UBR4: variants seen among roughly 807,000 people sequenced by gnomAD.
UBR4 encodes E3 ubiquitin-protein ligase UBR4.
A neutral mutation model predicts 575.6 loss-of-function variants in UBR4; 124 were observed. The observed-to-expected ratio is 0.22, with a 90% confidence interval of 0.19 to 0.25. UBR4 has a LOEUF of 0.25. UBR4 is among the 10% of genes least tolerant of loss of function. The pLI is 1.00. For missense variants in UBR4, 4,818 were observed against 6,478.8 expected, an observed-to-expected ratio of 0.74 and a Z score of 8.80; for synonymous variants, 2,455 against 2,473.7, an observed-to-expected ratio of 0.99 and a Z score of 0.22.
intron 1 of UBR4, among the ~76,000 whole-genome samples, chr1:19,205,044 A>G (rs2092938648): frequency 6.6e-6 from 1 of 152,216 alleles, no homozygotes; most frequent in Non-Finnish European, 1.5e-5. Context: ...TAGAGGTGAA[A>G]GTACATCTTT....
rs1221872209 is a variant in UBR4 at position 19,173,532 on chromosome 1, G to C, written c.3072C>G (p.Ser1024=). ...PPSKTYINQL[S]MNSPEMSECD... ...ATTCGCTCATCTCAGGTGAGTTCAT[G>C]GATAGCTGGTTAATGTAAGTCTTTG... is the stretch of plus-strand genomic sequence containing the variant. The change falls in exon 23 of 106, where the codon TCC becomes TCG. Residue 1024 remains serine, a synonymous_variant. Transcript: ENST00000375254. 1 of 1,614,112 alleles carries C rather than the reference G, an allele frequency of 6.2e-7. No homozygotes were observed. The highest frequency in any genetic ancestry group is 8.5e-7 in the Non-Finnish European group (1 of 1,180,006).
chr1:19,089,367 C>T lies in UBR4; in HGVS notation c.14212-390G>A, dbSNP rs1001284774. On this transcript the variant is annotated intron_variant, in intron 97 of 105. Coordinates refer to ENST00000375254, the MANE Select transcript of UBR4 (RefSeq NM_020765.3). The surrounding 1 kb of genome is among the most constrained non-coding windows in gnomAD (Gnocchi z 4.3). ...TGATGTGTACTGAGTGGTGAACCAG[C>T]AGCCAGAGCAGGCACTGGACGTTCT... is the stretch of plus-strand genomic sequence containing the variant. 2.6e-5 allele frequency among the ~76,000 whole-genome samples: 4 copies of T among 152,200 alleles called. No individual in the cohort carries two copies. Among genetic ancestry groups the T allele is most frequent in the African/African-American group, 9.7e-5 (4 of 41,448 alleles).
Position 19,110,380 on chromosome 1 carries a change from C to T in UBR4, c.11977G>A (p.Ala3993Thr). The T allele has an allele frequency of 6.2e-7, 1 of 1,614,126 alleles. No individual in the cohort carries two copies. Among genetic ancestry groups the T allele is most frequent in the South Asian group, 1.1e-5 (1 of 91,070 alleles). ...DSCWELRLRC[A>T]LSLFLMAVNI... ...TTTCTCTGAAAATCCCCTAACTCAC[C>T]ACAGCGTAACCGGAGCTCCCAGCAG... Residue 3993 changes from alanine to threonine, a missense_variant and splice_region_variant, in exon 80 of 106, where the codon GCT becomes ACT. Ala to Thr is a moderately conservative substitution (Grantham distance 58). Transcript: ENST00000375254. This position sits in a 1 kb window ranked among gnomAD's most constrained non-coding sequence, Gnocchi z 4.5.
At chr1:19,103,465 T>A (rs1013209042) in intron 87 of UBR4, among the ~76,000 whole-genome samples, 1 of 152,054 alleles carries the variant, frequency 6.6e-6, no homozygotes, top group Non-Finnish European at 1.5e-5. Context: ...TCAGTAAGGC[T>A]GAGGCAGGCG....
At chr1:19,199,868 C>T in intron 2 of UBR4, 114 bp from the exon 3 acceptor site, 1 of 1,005,608 alleles carries the variant, frequency 9.9e-7, no homozygotes, top group South Asian at 1.4e-5. Context: ...AACAATTATT[C>T]AGAGCCAAAA....
At chr1:19,140,929 C>G in intron 57 of UBR4, 37 bp from the exon 58 acceptor site, 1 of 1,568,686 alleles carries the variant, frequency 6.4e-7, no homozygotes, top group South Asian at 1.2e-5. Context: ...AACATCCCCT[C>G]CAGGTCCCAT....
rs1291726422 is a variant in UBR4 at position 19,167,112 on chromosome 1, G to A, written c.4019C>T (p.Pro1340Leu). The A allele has an allele frequency of 6.2e-6, 10 of 1,614,086 alleles. No individual in the cohort carries two copies. Among genetic ancestry groups the A allele is most frequent in the African/African-American group, 2.7e-5 (2 of 74,916 alleles). The change falls in exon 29 of 106, where the codon CCT becomes CTT. Residue 1340 changes from proline to leucine, a missense_variant. Transcript: ENST00000375254. ...SSNSLERILGPAESDEFLARV... is the reference protein window; with the variant it reads ...SSNSLERILGLAESDEFLARV... ...AGCCAAGAACTCATCAGACTCAGCA[G>A]GGCCCAAGATGCGTTCCAGGGAGTT...
chr1:19,143,263 A>AAGGAAGGAAGG (rs1557762781), intron 55 of UBR4, among the ~76,000 whole-genome samples: 1 of 34,890 alleles, frequency 2.9e-5, no homozygotes, highest in African/African-American at 1.1e-4. Flanking sequence ...AGGAAGGAAG[A>AAGGAAGGAAGG]AAGAAAGAAA....
intron 25 of UBR4, 55 bp downstream of exon 25, chr1:19,172,809 G>A: frequency 6.6e-7 from 1 of 1,524,306 alleles, no homozygotes; most frequent in South Asian, 1.1e-5. Context: ...GTCAATGCGG[G>A]ATCTGCACGG....
chr1:19,113,544 G>T, intron 77 of UBR4, 155 bp downstream of exon 77: 3 of 1,127,354 alleles, frequency 2.7e-6, no homozygotes, highest in Non-Finnish European at 3.8e-6. Context: ...GGGAGATGCC[G>T]TTTGGTGCAG....
chr1:19,126,792 C>G, intron 63 of UBR4, 137 bp from the exon 64 acceptor site: 1 of 891,072 alleles, frequency 1.1e-6, no homozygotes, highest in Non-Finnish European at 1.7e-6. Context: ...GGCTCTTGCA[C>G]TGAAACTTCC....
chr1:19,210,243 C>G lies in UBR4; in HGVS notation c.6G>C (p.Ala2=). The G allele has an allele frequency of 3.5e-6, 5 of 1,436,316 alleles. No individual in the cohort carries two copies. The highest frequency in any genetic ancestry group is 4.6e-6 in the Non-Finnish European group (5 of 1,098,460). 89.0% of individuals were successfully genotyped at this position (1,436,316 alleles called of 1,614,324 possible). M[A]TSGGEEAAAA... ...CCGCCGCCTCTTCGCCGCCGCTCGT[C>G]GCCATCTTCCGTCGTACTACTGCGG... is the stretch of plus-strand genomic sequence containing the variant. The change falls in exon 1 of 106, where the codon GCG becomes GCC. Residue 2 remains alanine (A), a synonymous_variant. Coordinates refer to ENST00000375254, the MANE Select transcript of UBR4 (RefSeq NM_020765.3).
At position 19,165,307 on chromosome 1, in the gene UBR4, G is replaced by T. The variant is rs1436451177; in HGVS notation, c.4254C>A (p.Asn1418Lys). Residue 1418 changes from asparagine to lysine, a missense_variant, in exon 31 of 106, where the codon AAC (asparagine) becomes AAA (lysine). Transcript: ENST00000375254. Reference sequence around the variant, plus strand: ...CTCGGTTACAGAATTTAGCAGAGAGGTTCTCATTGGCTGTTGCCATCATGA... The same window carrying T: ...CTCGGTTACAGAATTTAGCAGAGAGTTTCTCATTGGCTGTTGCCATCATGA... ...VQIMMATANENLSAKFCNRVL... is the reference protein window; with the variant it reads ...VQIMMATANEKLSAKFCNRVL... 1.9e-6 allele frequency: 3 copies of T among 1,614,182 alleles called. No homozygotes were observed. Among genetic ancestry groups the T allele is most frequent in the Middle Eastern group, 1.6e-4 (1 of 6,062 alleles).
intron 59 of UBR4, among the ~76,000 whole-genome samples, 195 bp downstream of exon 59, chr1:19,138,888 C>A (rs187777189): frequency 6.6e-6 from 1 of 152,172 alleles, no homozygotes; most frequent in Non-Finnish European, 1.5e-5. Flanking sequence ...ACCCCCTGAG[C>A]TTAAGCCACT....
intron 98 of UBR4, 37 bp from the exon 99 acceptor site, chr1:19,087,966 CCA>C: frequency 6.6e-7 from 1 of 1,520,626 alleles, no homozygotes; most frequent in Non-Finnish European, 9.0e-7. Context: ...AAGGGGATTT[CCA>C]CACACCCTCT....
chr1:19,151,935 A>C (rs1287364296), intron 47 of UBR4, 76 bp from the exon 48 acceptor site: 2 of 1,307,676 alleles, frequency 1.5e-6, no homozygotes, highest in Admixed American at 2.7e-5. Context: ...CTTCTCTGAC[A>C]TTGTCTCAAC....
intron 53 of UBR4, among the ~76,000 whole-genome samples, chr1:19,145,262 CAT>C (rs2084683453): frequency 6.6e-6 from 1 of 152,164 alleles, no homozygotes; most frequent in Non-Finnish European, 1.5e-5. Flanking sequence ...GATGACAAAA[CAT>C]GACCTTGACT....
rs550128469 is a variant in UBR4 at position 19,190,352 on chromosome 1, G to A, written c.1394+1836C>T. Among the ~76,000 whole-genome samples the A allele has an allele frequency of 2.6e-4, 36 of 138,806 alleles. 1 individual carries two copies. The highest frequency in any genetic ancestry group is 9.7e-4 in the African/African-American group (36 of 37,158). 91.1% of individuals were successfully genotyped at this position (138,806 alleles called of 152,430 possible). ...ATATTTGTATGGATACCTAGTTCAT[G>A]TCTCTTGAGAATATGTCCATTTTTA... On this transcript the variant is annotated intron_variant, in intron 11 of 105. Coordinates refer to ENST00000375254, the MANE Select transcript of UBR4 (RefSeq NM_020765.3).
In UBR4 at chr1:19,197,927, A is replaced by G. The variant is rs765986457; in HGVS notation, c.751+20T>C. 2.2e-5 allele frequency: 36 copies of G among 1,613,660 alleles called. No individual in the cohort carries two copies. The highest frequency in any genetic ancestry group is 6.7e-5 in the East Asian group (3 of 44,880). ...TGACAGCCCAGAAATCAGCTTTCTG[A>G]TAACAGTTGGGAGTCTTACCAAGCT... On this transcript the variant is annotated intron_variant, in intron 6 of 105. Transcript: ENST00000375254.
Sources: gnomAD v4.1 joint callset for allele counts (sites outside exome capture counted in the v4.1 genomes callset) on GRCh38, gnomAD v4.1.1 for gene constraint, Gnocchi (gnomAD v3.1) non-coding constraint, MANE v1.5 for transcripts, NCBI Gene and HGNC (gene_info 2026-07-23, HGNC 2026-07-21) for gene names.